The following PCMTD1 variants were observed in gnomAD, a reference collection of about 807,000 sequenced individuals.
PCMTD1 encodes protein-L-isoaspartate O-methyltransferase domain-containing protein 1.
A neutral mutation model predicts 37.6 loss-of-function variants in PCMTD1; 12 were observed. The observed-to-expected ratio is 0.32, with a 90% confidence interval of 0.20 to 0.52. PCMTD1 has a LOEUF of 0.52. Among genes scored for constraint, PCMTD1 ranks in the 20% least tolerant of loss-of-function variants. The pLI is 0.97. For missense variants in PCMTD1, 235 were observed against 421.3 expected, an observed-to-expected ratio of 0.56 and a Z score of 3.87; for synonymous variants, 117 against 135.8, an observed-to-expected ratio of 0.86 and a Z score of 0.96.
chr8:51,817,642 G>T lies in PCMTD1; in HGVS notation c.*2709C>A. The T allele has an allele frequency of 4.6e-6, 1 of 216,422 alleles. No individual in the cohort carries two copies. The highest frequency in any genetic ancestry group is 9.4e-6 in the Non-Finnish European group (1 of 105,876). The allele number at this position is 216,422 out of a possible 1,614,324, so 13.4% of individuals were successfully genotyped here. On this transcript the variant is annotated 3_prime_UTR_variant, in exon 6 of 6. Coordinates refer to ENST00000522514, the MANE Select transcript of PCMTD1 (RefSeq NM_052937.4). ...TCCAAGTCTTCCAATGATTTAACAG[G>T]CTTTGCTTCACTTTTATCATCTCAA...
At chr8:51,845,826 T>A (rs1232875500) in intron 2 of PCMTD1, 63 bp from the exon 3 acceptor site, 1 of 1,116,038 alleles carries the variant, frequency 9.0e-7, no homozygotes, top group Admixed American at 1.9e-5. Flanking sequence ...AGCTCTTTTT[T>A]AAGTTCTGCT....
chr8:51,843,052 T>TA (rs2038170157), intron 3 of PCMTD1, among the ~76,000 whole-genome samples: 1 of 152,194 alleles, frequency 6.6e-6, no homozygotes, highest in Non-Finnish European at 1.5e-5. Context: ...TAAAATATTT[T>TA]AAACTTGAAA....
intron 3 of PCMTD1, chr8:51,839,674 A>T (rs1251838544): frequency 2.1e-6 from 2 of 939,796 alleles, no homozygotes; most frequent in Non-Finnish European, 1.3e-6. Context: ...CCTTCAATAC[A>T]CTGTTGAAGT....
intron 5 of PCMTD1, among the ~76,000 whole-genome samples, chr8:51,827,764 C>T (rs2037941584): frequency 6.6e-6 from 1 of 152,122 alleles, no homozygotes; most frequent in African/African-American, 2.4e-5. Flanking sequence ...GAAATATTTA[C>T]AGATATATCA....
intron 3 of PCMTD1, among the ~76,000 whole-genome samples, chr8:51,840,170 A>G (rs149051385): frequency 6.6e-6 from 1 of 152,356 alleles, no homozygotes; most frequent in East Asian, 1.9e-4. Context: ...ACTGTTCATT[A>G]AAGAAAGCAT....
chr8:51,881,167 T>C (rs553109458), intron 1 of PCMTD1, among the ~76,000 whole-genome samples: 3 of 152,348 alleles, frequency 2.0e-5, no homozygotes, highest in South Asian at 4.1e-4. Context: ...AAACTTCTGA[T>C]CATGGAACAA....
intron 1 of PCMTD1, among the ~76,000 whole-genome samples, chr8:51,879,444 C>G (rs1443384803): frequency 6.6e-6 from 1 of 152,170 alleles, no homozygotes; most frequent in Non-Finnish European, 1.5e-5. Context: ...TATTCGTGTT[C>G]ATGATTGTCC....
chr8:51,830,524 ATTC>A (rs1176668444), intron 5 of PCMTD1, among the ~76,000 whole-genome samples: 1 of 152,132 alleles, frequency 6.6e-6, no homozygotes. Context: ...CGAGTCAGCT[ATTC>A]TTCTGCCTTT....
At chr8:51,839,387 A>G (rs1465082717) in intron 3 of PCMTD1, 3 of 877,212 alleles carry the variant, frequency 3.4e-6, no homozygotes, top group African/African-American at 1.8e-5. Context: ...GAGCACACAG[A>G]TATCTCGGTT....
intron 3 of PCMTD1, among the ~76,000 whole-genome samples, chr8:51,835,455 C>A (rs914131411): frequency 1.3e-5 from 2 of 151,886 alleles, no homozygotes; most frequent in African/African-American, 4.8e-5. Flanking sequence ...TAAAATATGG[C>A]CAAAATATAA....
intron 1 of PCMTD1, among the ~76,000 whole-genome samples, chr8:51,874,329 C>A (rs1439823903): frequency 6.6e-6 from 1 of 151,980 alleles, no homozygotes; most frequent in African/African-American, 2.4e-5. Flanking sequence ...CCCCCACCAC[C>A]CCACCCATCC....
Position 51,817,970 on chromosome 8 carries a change from C to T in PCMTD1, c.*2381G>A, listed in dbSNP as rs199619900. On this transcript the variant is annotated 3_prime_UTR_variant, in exon 6 of 6. Coordinates refer to ENST00000522514, the MANE Select transcript of PCMTD1 (RefSeq NM_052937.4). ...AATTAGATGATACTTACTGTTTTAA[C>T]TAGCTATAAAATTCCAATACTATAT... is the stretch of plus-strand genomic sequence containing the variant. 0.01 allele frequency: 4,597 copies of T among 453,448 alleles called. No homozygotes were observed. The East Asian group carries it at 0.13, about 13-fold the overall frequency. 28.1% of individuals were successfully genotyped at this position (453,448 alleles called of 1,614,324 possible).
chr8:51,821,745 T>G (rs13250041), intron 5 of PCMTD1, among the ~76,000 whole-genome samples: 103,322 of 150,700 alleles, frequency 0.69, 41,782 homozygotes, highest in Non-Finnish European at 0.9. Flanking sequence ...GTTTTGTTTT[T>G]TTTTTTTTTT....
chr8:51,891,328 T>C (rs926097238), intron 1 of PCMTD1, among the ~76,000 whole-genome samples: 1 of 152,042 alleles, frequency 6.6e-6, no homozygotes, highest in Non-Finnish European at 1.5e-5. Flanking sequence ...GGCAGGAGGA[T>C]GGCTTGAGCC....
At chr8:51,850,330 T>G (rs2038286933) in intron 2 of PCMTD1, among the ~76,000 whole-genome samples, 2 of 152,202 alleles carry the variant, frequency 1.3e-5, no homozygotes, top group South Asian at 4.1e-4. Flanking sequence ...TATAGAAGCA[T>G]AATTATAACC....
intron 1 of PCMTD1, among the ~76,000 whole-genome samples, chr8:51,877,705 A>G (rs1418076136): frequency 6.6e-6 from 1 of 152,180 alleles, no homozygotes; most frequent in Non-Finnish European, 1.5e-5. Context: ...TGAGATGGAC[A>G]CTCATCACAT....
intron 2 of PCMTD1, among the ~76,000 whole-genome samples, chr8:51,850,641 T>C (rs1443950291): frequency 6.6e-6 from 1 of 152,118 alleles, no homozygotes; most frequent in Non-Finnish European, 1.5e-5. Flanking sequence ...ACATCAAGAG[T>C]TAACAGCTAC....
intron 1 of PCMTD1, 77 bp from the exon 2 acceptor site, chr8:51,861,323 CATT>C (rs1324639162): frequency 9.6e-7 from 1 of 1,041,214 alleles, no homozygotes; most frequent in Non-Finnish European, 1.3e-6. Flanking sequence ...AAATGTATGT[CATT>C]ATAATTAACT....
At chr8:51,834,061 A>T (rs2038033937) in intron 3 of PCMTD1, among the ~76,000 whole-genome samples, 1 of 152,184 alleles carries the variant, frequency 6.6e-6, no homozygotes, top group Non-Finnish European at 1.5e-5. Context: ...TTCACTTTGC[A>T]TTGTCCTTTC....
Sources: gnomAD v4.1 joint callset for allele counts (sites outside exome capture counted in the v4.1 genomes callset) on GRCh38, gnomAD v4.1.1 for gene constraint, MANE v1.5 for transcripts, NCBI Gene and HGNC (gene_info 2026-07-23, HGNC 2026-07-21) for gene names.